The following ZNF385D variants were observed in gnomAD, a reference collection of about 807,000 sequenced individuals.
ZNF385D encodes the protein zinc finger protein 659.
Under a neutral mutation model 35.8 loss-of-function variants are expected in ZNF385D, and 15 were observed. That is an observed-to-expected ratio of 0.42 (90% CI 0.28 to 0.64). The LOEUF is 0.64. ZNF385D is among the 30% of genes least tolerant of loss of function. ZNF385D has a pLI of 0.23. For synonymous variants in ZNF385D, 212 were observed against 186.8 expected, an observed-to-expected ratio of 1.13 and a Z score of -1.10; for missense variants, 474 against 494.6, an observed-to-expected ratio of 0.96 and a Z score of 0.39.
chr3:22,177,736 C>G (rs1694931844), intron 2 of ZNF385D, among the ~76,000 whole-genome samples: 2 of 152,124 alleles, frequency 1.3e-5, no homozygotes, highest in Non-Finnish European at 2.9e-5. Flanking sequence ...CTCCCCTCTC[C>G]CCAAACCCCA....
rs138658185 is a variant in ZNF385D at position 21,591,105 on chromosome 3, T to G, written c.166-26421A>C. The stretch of plus-strand genomic sequence containing the variant: ...CCCAGCTACTTGAGAACCTGAGGTA[T>G]GAGGATCACTTAGCTGGAGTGTTCA... On this transcript the variant is annotated intron_variant, in intron 2 of 7. Transcript: ENST00000281523. Among the ~76,000 whole-genome samples the G allele has an allele frequency of 2.6e-5, 4 of 152,158 alleles. No homozygotes were observed. In the East Asian group the frequency reaches 7.8e-4, roughly 29 times the overall value.
At chr3:22,138,071 T>A (rs1264252188) in intron 3 of ZNF385D, among the ~76,000 whole-genome samples, 1 of 152,054 alleles carries the variant, frequency 6.6e-6, no homozygotes, top group African/African-American at 2.4e-5. Context: ...TCACAGTTGC[T>A]TCAAAGAGAA....
chr3:22,042,039 G>C (rs1012013046), intron 3 of ZNF385D, among the ~76,000 whole-genome samples: 2 of 152,164 alleles, frequency 1.3e-5, no homozygotes, highest in Admixed American at 6.6e-5. Context: ...AAACATAGTG[G>C]TGTTAATTAG....
chr3:21,937,778 T>A (rs1701329315), intron 3 of ZNF385D, among the ~76,000 whole-genome samples: 1 of 152,238 alleles, frequency 6.6e-6, no homozygotes, highest in Admixed American at 6.5e-5. Context: ...TTAAATGTTT[T>A]ATACATTCTC....
At chr3:21,963,033 G>A (rs772107718) in intron 3 of ZNF385D, among the ~76,000 whole-genome samples, 2 of 152,164 alleles carry the variant, frequency 1.3e-5, no homozygotes, top group African/African-American at 2.4e-5. Flanking sequence ...CAGTAGCCTT[G>A]CTTGGAGCAG....
chr3:22,295,030 T>A (rs1702495588), intron 2 of ZNF385D, among the ~76,000 whole-genome samples: 1 of 152,146 alleles, frequency 6.6e-6, no homozygotes, highest in African/African-American at 2.4e-5. Flanking sequence ...TATAATTGGC[T>A]TTAAAATGTT....
At chr3:21,594,209 C>T (rs1376087386) in intron 2 of ZNF385D, among the ~76,000 whole-genome samples, 2 of 152,148 alleles carry the variant, frequency 1.3e-5, no homozygotes, top group African/African-American at 4.8e-5. Context: ...TACACCAGAC[C>T]TGCCAAGATC....
intron 2 of ZNF385D, among the ~76,000 whole-genome samples, chr3:22,319,532 T>C (rs995969899): frequency 9.9e-5 from 15 of 152,144 alleles, no homozygotes; most frequent in Non-Finnish European, 2.1e-4. Flanking sequence ...AGAAATGCTG[T>C]TGTTCAAATC....
chr3:21,732,087 CTT>C (rs2069043562), intron 1 of ZNF385D, among the ~76,000 whole-genome samples: 1 of 84,608 alleles, frequency 1.2e-5, no homozygotes, highest in South Asian at 4.9e-4. Flanking sequence ...GAGTTTTGCT[CTT>C]TGTTGCCCAG....
chr3:21,429,831 T>C (rs975666252), intron 5 of ZNF385D, among the ~76,000 whole-genome samples: 1 of 152,164 alleles, frequency 6.6e-6, no homozygotes, highest in African/African-American at 2.4e-5. Context: ...CCAGCAATAA[T>C]TTAGTTACCA....
intron 2 of ZNF385D, among the ~76,000 whole-genome samples, chr3:21,648,961 C>G (rs1401245581): frequency 1.3e-5 from 2 of 151,836 alleles, no homozygotes; most frequent in African/African-American, 4.8e-5. Context: ...ACAGGGAGAC[C>G]AAGTAACTTT....
chr3:21,979,233 T>C (rs1039540685), intron 3 of ZNF385D, among the ~76,000 whole-genome samples: 2 of 152,174 alleles, frequency 1.3e-5, no homozygotes, highest in East Asian at 1.9e-4. Flanking sequence ...TATTGCCCTG[T>C]ATAACTGCAC....
At chr3:21,918,692 C>T (rs1700312004) in intron 3 of ZNF385D, among the ~76,000 whole-genome samples, 1 of 152,110 alleles carries the variant, frequency 6.6e-6, no homozygotes, top group Non-Finnish European at 1.5e-5. Flanking sequence ...CATTATTCTT[C>T]TTTGTCTTTA....
At chr3:21,447,849 G>A (rs1281296993) in intron 4 of ZNF385D, among the ~76,000 whole-genome samples, 2 of 152,134 alleles carry the variant, frequency 1.3e-5, no homozygotes, top group Non-Finnish European at 2.9e-5. Context: ...CCATAAAAAT[G>A]AAGAAATAAC....
intron 2 of ZNF385D, among the ~76,000 whole-genome samples, chr3:22,183,932 T>C (rs1185205187): frequency 3.3e-5 from 5 of 152,068 alleles, no homozygotes; most frequent in Non-Finnish European, 5.9e-5. Flanking sequence ...AAAAAGGAAG[T>C]TCCGTTTTTT....
chr3:22,275,562 C>T (rs1443984583), intron 2 of ZNF385D, among the ~76,000 whole-genome samples: 2 of 152,164 alleles, frequency 1.3e-5, no homozygotes, highest in African/African-American at 4.8e-5. Flanking sequence ...CTTTGCTTAC[C>T]ATTTAAAAAG....
intron 3 of ZNF385D, among the ~76,000 whole-genome samples, chr3:21,879,618 G>A (rs375136174): frequency 1.3e-5 from 2 of 151,980 alleles, no homozygotes; most frequent in Admixed American, 6.6e-5. Flanking sequence ...TCTCACCGCT[G>A]TTGTAATATG....
chr3:21,809,410 G>A (rs1011105655), intron 3 of ZNF385D, among the ~76,000 whole-genome samples: 3 of 151,878 alleles, frequency 2.0e-5, no homozygotes, highest in Non-Finnish European at 4.4e-5. Context: ...GTCTAATGCG[G>A]TTTTCAACAT....
intron 3 of ZNF385D, among the ~76,000 whole-genome samples, chr3:21,533,839 T>C (rs2061978672): frequency 6.6e-6 from 1 of 152,134 alleles, no homozygotes; most frequent in African/African-American, 2.4e-5. Flanking sequence ...AGAGACTATA[T>C]TGGCAGAGCC....
Sources: allele counts gnomAD v4.1 joint callset (sites outside exome capture counted in the v4.1 genomes callset), GRCh38; gene constraint gnomAD v4.1.1; transcripts MANE v1.5; gene names NCBI Gene and HGNC (gene_info 2026-07-23, HGNC 2026-07-21).